NAXE: variants seen among roughly 807,000 people sequenced by gnomAD.
The protein encoded by NAXE is NAD(P)H-hydrate epimerase.
NAXE carries 25 observed loss-of-function variants against 31.2 expected under a neutral mutation model. The observed-to-expected ratio is 0.80, with a 90% CI of 0.58 to 1.12. The LOEUF is 1.12. NAXE is among the 50% of genes most tolerant of loss of function. NAXE has a pLI of 0.00. For synonymous variants in NAXE, 144 were observed against 154.5 expected, an observed-to-expected ratio of 0.93 and a Z score of 0.50; for missense variants, 362 against 376.1, an observed-to-expected ratio of 0.96 and a Z score of 0.31.
chr1:156,593,543 G>A lies in NAXE; in HGVS notation c.652G>A (p.Asp218Asn), dbSNP rs779724729. 11 of 1,614,020 alleles carry A rather than the reference G, an allele frequency of 6.8e-6. No homozygotes were observed. The highest frequency in any genetic ancestry group is 6.7e-5 in the African/African-American group (5 of 74,896). Residue 218 changes from aspartate (D) to asparagine (N), a missense_variant, in exon 5 of 6, where the codon GAC becomes AAC. Coordinates refer to ENST00000368235, the MANE Select transcript of NAXE (RefSeq NM_144772.3). The stretch of plus-strand genomic sequence containing the variant: ...ACTCACTGTGCCCATTGCCAGCATC[G>A]ACATTCCCTCAGGTGCTGGGATCCA... ...KGLTVPIASIDIPSGWDVEKG... is the reference protein window; with the variant it reads ...KGLTVPIASINIPSGWDVEKG...
At position 156,592,197 on chromosome 1, in the gene NAXE, A is replaced by G; in HGVS notation, c.279A>G (p.Thr93=). 1.2e-6 allele frequency: 2 copies of G among 1,614,142 alleles called. No homozygotes were observed. Among genetic ancestry groups the G allele is most frequent in the Non-Finnish European group, 1.7e-6 (2 of 1,180,036 alleles). Reference sequence around the variant, plus strand: ...AACTGGCCGGGCTGAGCTGTGCTACAGCCATCGCCAAGGTCAGTGGCACAA... The same window carrying G: ...AACTGGCCGGGCTGAGCTGTGCTACGGCCATCGCCAAGGTCAGTGGCACAA... ...LMELAGLSCA[T]AIAKAYPPTS... Residue 93 remains threonine, a synonymous_variant, in exon 2 of 6, where the codon ACA becomes ACG. Coordinates refer to ENST00000368235, the MANE Select transcript of NAXE (RefSeq NM_144772.3).
In NAXE at chr1:156,591,818, G is replaced by C. The variant is rs764656417; in HGVS notation, c.14G>C (p.Arg5Pro). 1.9e-6 allele frequency: 3 copies of C among 1,600,266 alleles called. No homozygotes were observed. Among genetic ancestry groups the C allele is most frequent in the East Asian group, 2.3e-5 (1 of 44,194 alleles). Reference sequence around the variant, plus strand: ...TCTGCGAGCTGGATGTCCAGGCTGCGGGCGCTGCTGGGCCTCGGGCTGCTG... The same window carrying C: ...TCTGCGAGCTGGATGTCCAGGCTGCCGGCGCTGCTGGGCCTCGGGCTGCTG... MSRL[R>P]ALLGLGLLVA... Residue 5 changes from arginine (R) to proline (P), a missense_variant, in exon 1 of 6, where the codon CGG becomes CCG. Physicochemically the swap from Arg to Pro is moderately radical, Grantham distance 103 (BLOSUM62 -2). Transcript: ENST00000368235.
rs1215613417 is a variant in NAXE, at chr1:156,592,209, G to A, written c.291G>A (p.Lys97=). Reference sequence around the variant, plus strand: ...TGAGCTGTGCTACAGCCATCGCCAAGGTCAGTGGCACAACTCTCGACCTTT... The same window carrying A: ...TGAGCTGTGCTACAGCCATCGCCAAAGTCAGTGGCACAACTCTCGACCTTT... The part of the protein sequence containing the change: ...AGLSCATAIA[K]AYPPTSMSRS... Residue 97 remains lysine (K), a splice_region_variant and synonymous_variant, in exon 2 of 6, where the codon AAG becomes AAA. Transcript: ENST00000368235. The A allele has an allele frequency of 3.1e-6, 5 of 1,613,958 alleles. No homozygotes were observed. Among genetic ancestry groups the A allele is most frequent in the African/African-American group, 1.3e-5 (1 of 74,940 alleles).
At position 156,593,914 on chromosome 1, in the gene NAXE, A is replaced by G; in HGVS notation, c.697A>G (p.Ile233Val). The G allele has an allele frequency of 6.2e-7, 1 of 1,614,068 alleles. No individual in the cohort carries two copies. The highest frequency in any genetic ancestry group is 8.5e-7 in the Non-Finnish European group (1 of 1,180,020). ...CGTGGAGAAGGGAAATGCTGGAGGGATCCAGCCAGACTTGCTCATATCCCT... is the reference window on the plus strand; with the variant it reads ...CGTGGAGAAGGGAAATGCTGGAGGGGTCCAGCCAGACTTGCTCATATCCCT... ...WDVEKGNAGG[I>V]QPDLLISLTA... The change falls in exon 6 of 6, where the codon ATC becomes GTC. Residue 233 changes from isoleucine (I) to valine (V), a missense_variant. Physicochemically the swap from Ile to Val is conservative, Grantham distance 29. Coordinates refer to ENST00000368235, the MANE Select transcript of NAXE (RefSeq NM_144772.3).
chr1:156,593,636 T>G (rs781142803), intron 5 of NAXE, 81 bp downstream of exon 5: 1 of 1,579,114 alleles, frequency 6.3e-7, no homozygotes, highest in Admixed American at 1.8e-5. Flanking sequence ...CTAAAATAAT[T>G]TTAGTCTAGA....
At chr1:156,592,970 G>A (rs952034313) in intron 4 of NAXE, 29 of 436,402 alleles carry the variant, frequency 6.6e-5, no homozygotes, top group African/African-American at 4.0e-4. Flanking sequence ...CTCAGGGGCC[G>A]GAGTGGCTGC....
chr1:156,591,794 C>T lies in NAXE; in HGVS notation c.-11C>T. On this transcript the variant is annotated 5_prime_UTR_variant, in exon 1 of 6. Coordinates refer to ENST00000368235, the MANE Select transcript of NAXE (RefSeq NM_144772.3). ...CCGGGCCGGGCCGGGGGCGCGCGCT[C>T]TGCGAGCTGGATGTCCAGGCTGCGG... The T allele has an allele frequency of 2.6e-6, 4 of 1,519,490 alleles. No homozygotes were observed. The highest frequency in any genetic ancestry group is 3.5e-6 in the Non-Finnish European group (4 of 1,141,608). 94.1% of individuals were successfully genotyped at this position (1,519,490 alleles called of 1,614,324 possible). A position where few individuals can be genotyped will look rare whatever the true frequency, so the allele number is the denominator to read the frequency against.
rs759247537 is a variant in NAXE, at chr1:156,593,930, T to A, written c.713T>A (p.Leu238His). Residue 238 changes from leucine (L) to histidine (H), a missense_variant, in exon 6 of 6, where the codon CTC becomes CAC. Physicochemically the swap from Leu to His is moderately conservative, Grantham distance 99. Coordinates refer to ENST00000368235, the MANE Select transcript of NAXE (RefSeq NM_144772.3). ...GNAGGIQPDL[L>H]ISLTAPKKSA... The stretch of plus-strand genomic sequence containing the variant: ...GCTGGAGGGATCCAGCCAGACTTGC[T>A]CATATCCCTCACAGCCCCCAAAAAA... The A allele has an allele frequency of 5.0e-6, 8 of 1,614,002 alleles. No individual in the cohort carries two copies. In the African/African-American group the frequency reaches 1.1e-4, roughly 22 times the overall value.
chr1:156,594,250 G>C lies in NAXE; in HGVS notation c.*166G>C, dbSNP rs1043042354. On this transcript the variant is annotated 3_prime_UTR_variant, in exon 6 of 6. Transcript: ENST00000368235. ...TCTCTAGGGGTAACACAAAGGGCAA[G>C]AGGTTGCTATGGTATTTGGAAACAA... 3.2e-5 allele frequency: 21 copies of C among 661,452 alleles called. No individual in the cohort carries two copies. Among genetic ancestry groups the C allele is most frequent in the Non-Finnish European group, 5.1e-5 (20 of 389,924 alleles). 41.0% of individuals were successfully genotyped at this position (661,452 alleles called of 1,614,324 possible).
chr1:156,593,263 T>C, intron 4 of NAXE, 145 bp from the exon 5 acceptor site: 3 of 1,090,520 alleles, frequency 2.8e-6, no homozygotes, highest in Non-Finnish European at 3.7e-6. Flanking sequence ...CAACTCACAC[T>C]TTCTCTAGGC....
chr1:156,593,725 T>C (rs1346539103), intron 5 of NAXE, 157 bp from the exon 6 acceptor site: 7 of 1,321,734 alleles, frequency 5.3e-6, no homozygotes, highest in Non-Finnish European at 7.4e-6. Flanking sequence ...GTTGGCCCCA[T>C]GAAGAGACCA....
intron 4 of NAXE, chr1:156,593,072 G>A (rs7519690): frequency 4.9e-6 from 2 of 406,932 alleles, no homozygotes; most frequent in Non-Finnish European, 8.8e-6. Flanking sequence ...TGAAGATACT[G>A]AGGTGCAGAG....
Position 156,592,591 on chromosome 1 carries a change from C to G in NAXE, c.437C>G (p.Pro146Arg), listed in dbSNP as rs746626611. The G allele has an allele frequency of 8.7e-6, 14 of 1,614,168 alleles. No homozygotes were observed. Among genetic ancestry groups the G allele is most frequent in the Non-Finnish European group, 1.2e-5 (14 of 1,180,016 alleles). The change falls in exon 4 of 6, where the codon CCT becomes CGT. Residue 146 changes from proline to arginine, a missense_variant. Pro to Arg is a moderately radical substitution (Grantham distance 103). Transcript: ENST00000368235. ...YEPTIYYPKR[P>R]NKPLFTALVT... ...CCAACCATCTATTACCCCAAAAGGC[C>G]TAACAAGCCCCTCTTCACTGCATTG...
At chr1:156,592,786 G>C (rs1412158081) in intron 4 of NAXE, 116 bp downstream of exon 4, 1 of 944,800 alleles carries the variant, frequency 1.1e-6, no homozygotes, top group Non-Finnish European at 1.6e-6. Flanking sequence ...GGTGCCTAAC[G>C]GATGGTATTC....
chr1:156,594,059 C>CT lies in NAXE; in HGVS notation c.842_843insT (p.Glu282ArgfsTer21). 1 of 1,614,142 alleles carries CT rather than the reference C, an allele frequency of 6.2e-7. No homozygotes were observed. Among genetic ancestry groups the CT allele is most frequent in the Non-Finnish European group, 8.5e-7 (1 of 1,179,994 alleles). On this transcript the variant is annotated frameshift_variant, in exon 6 of 6. Coordinates refer to ENST00000368235, the MANE Select transcript of NAXE (RefSeq NM_144772.3). LOFTEE classifies it high-confidence loss of function. ...CTGAACCTGCCACCCTACCCTGACA[C>CT]CGAGTGTGTCTATCGTCTGCAGTGA...
chr1:156,594,261 G>A lies in NAXE; in HGVS notation c.*177G>A. 3 of 632,670 alleles carry A rather than the reference G, an allele frequency of 4.7e-6. No individual in the cohort carries two copies. In the East Asian group the frequency reaches 8.3e-5, roughly 17 times the overall value. The allele number at this position is 632,670 out of a possible 1,614,324, so 39.2% of individuals were successfully genotyped here. Reference sequence around the variant, plus strand: ...AACACAAAGGGCAAGAGGTTGCTATGGTATTTGGAAACAATGAAAATGGAC... The same window carrying A: ...AACACAAAGGGCAAGAGGTTGCTATAGTATTTGGAAACAATGAAAATGGAC... On this transcript the variant is annotated 3_prime_UTR_variant, in exon 6 of 6. Transcript: ENST00000368235.
Position 156,594,039 on chromosome 1 carries a change from C to T in NAXE, c.822C>T (p.Asn274=). The change falls in exon 6 of 6, where the codon AAC becomes AAT. Residue 274 remains asparagine (N), a synonymous_variant. Transcript: ENST00000368235. ...CTCTGGAGAAGAAGTACCAGCTGAA[C>T]CTGCCACCCTACCCTGACACCGAGT... ...PPALEKKYQL[N]LPPYPDTECV... The T allele has an allele frequency of 6.2e-7, 1 of 1,614,064 alleles. No individual in the cohort carries two copies. The highest frequency in any genetic ancestry group is 1.1e-5 in the South Asian group (1 of 91,064).
Position 156,592,641 on chromosome 1 carries a change from A to G in NAXE, c.487A>G (p.Ile163Val), listed in dbSNP as rs748577478. ...GGTGACCCAGTGTCAGAAAATGGAC[A>G]TCCCTTTCCTTGGGGAAATGCCCGC... ...ALVTQCQKMD[I>V]PFLGEMPAEP... is the part of the protein sequence containing the mutation. Residue 163 changes from isoleucine (I) to valine (V), a missense_variant, in exon 4 of 6, where the codon ATC becomes GTC. By Grantham distance (29) the Ile-to-Val change is conservative. Transcript: ENST00000368235. 24 of 1,614,024 alleles carry G rather than the reference A, an allele frequency of 1.5e-5. No homozygotes were observed. Among genetic ancestry groups the G allele is most frequent in the Admixed American group, 5.0e-5 (3 of 60,002 alleles).
Position 156,593,631 on chromosome 1 carries a change from A to G in NAXE, c.664+76A>G, listed in dbSNP as rs566565030. 7.8e-5 allele frequency: 124 copies of G among 1,587,754 alleles called. 1 individual carries two copies. The South Asian group carries it at 1.3e-3, about 17-fold the overall frequency. On this transcript the variant is annotated intron_variant, in intron 5 of 5. Coordinates refer to ENST00000368235, the MANE Select transcript of NAXE (RefSeq NM_144772.3). ...GACTCTTGCCCACACCAGGTCTAAA[A>G]TAATTTTAGTCTAGAGGGGCAGAAC...
Sources: gnomAD v4.1 joint callset for allele counts on GRCh38, gnomAD v4.1.1 for gene constraint, MANE v1.5 for transcripts, NCBI Gene and HGNC (gene_info 2026-07-23, HGNC 2026-07-21) for gene names.